The following CAST variants were observed in gnomAD, a reference collection of about 807,000 sequenced individuals.
The protein encoded by CAST is MIR583 host.
A neutral mutation model predicts 119.6 loss-of-function variants in CAST; 76 were observed. The observed-to-expected ratio is 0.64, with a 90% confidence interval of 0.53 to 0.77. The LOEUF (loss-of-function observed/expected upper bound fraction) is 0.77. Among genes scored for constraint, CAST ranks in the 30% least tolerant of loss-of-function variants. CAST has a pLI of 0.00. For synonymous variants in CAST, 319 were observed against 331.6 expected (o/e 0.96, Z 0.41); for missense variants, 953 against 946.5 (o/e 1.01, Z -0.09).
intron 1 of CAST, among the ~76,000 whole-genome samples, chr5:96,655,892 C>T (rs1748151587): frequency 6.6e-6 from 1 of 152,212 alleles, no homozygotes; most frequent in Non-Finnish European, 1.5e-5. Flanking sequence ...TCTGGCTGAA[C>T]AGTGCACCAG....
the CAST span, among the ~76,000 whole-genome samples, chr5:96,040,191 A>G: frequency 6.6e-6 from 1 of 152,304 alleles, no homozygotes; most frequent in South Asian, 2.1e-4. Flanking sequence ...ATTGGTGTAT[A>G]GGAATGCTTG....
At chr5:96,079,030 C>A in the CAST span, 3 of 426,470 alleles carry the variant, frequency 7.0e-6, no homozygotes, top group Admixed American at 5.9e-5. Context: ...TACAACAAAA[C>A]CCCATGATAC....
chr5:96,764,465 A>G (rs1769107084), intron 25 of CAST, among the ~76,000 whole-genome samples: 1 of 152,156 alleles, frequency 6.6e-6, no homozygotes, highest in East Asian at 1.9e-4. Context: ...CATTTCTGCA[A>G]TTTCACTTCC....
chr5:95,999,845 G>A, the CAST span, among the ~76,000 whole-genome samples: 25 of 152,102 alleles, frequency 1.6e-4, no homozygotes, highest in Admixed American at 1.6e-3. Context: ...TTTTAAAGTG[G>A]CTGCACCATT....
At chr5:96,264,702 C>T in the CAST span, among the ~76,000 whole-genome samples, 7 of 152,330 alleles carry the variant, frequency 4.6e-5, no homozygotes, top group Middle Eastern at 3.4e-3. Flanking sequence ...TTGACTTCCT[C>T]TTTGCACCTT....
At chr5:96,661,949 T>C (rs1748559874), upstream of CAST, 1 of 155,628 alleles carries the variant, frequency 6.4e-6, no homozygotes, top group Admixed American at 6.5e-5. Context: ...TGGTAAACTC[T>C]CGCAGCTAAA....
the CAST span, among the ~76,000 whole-genome samples, chr5:96,172,482 T>C: frequency 6.6e-6 from 1 of 152,230 alleles, no homozygotes; most frequent in Non-Finnish European, 1.5e-5. Flanking sequence ...ATTTCAAATA[T>C]ACATGGTATA....
At chr5:96,120,778 C>A in the CAST span, among the ~76,000 whole-genome samples, 1 of 148,600 alleles carries the variant, frequency 6.7e-6, no homozygotes, top group Non-Finnish European at 1.5e-5. Flanking sequence ...ACTTTTGTGA[C>A]CTTATCTCTT....
At chr5:96,528,531 A>G, upstream of CAST, among the ~76,000 whole-genome samples, 1 of 152,174 alleles carries the variant, frequency 6.6e-6, no homozygotes, top group Non-Finnish European at 1.5e-5. Context: ...AGGATACTGA[A>G]AAGGCTTCAG....
At chr5:96,004,558 C>T in the CAST span, among the ~76,000 whole-genome samples, 1 of 152,190 alleles carries the variant, frequency 6.6e-6, no homozygotes, top group African/African-American at 2.4e-5. Context: ...AACTGGATAA[C>T]TTCAACTCAA....
chr5:96,403,268 T>C, the CAST span, among the ~76,000 whole-genome samples: 1 of 152,210 alleles, frequency 6.6e-6, no homozygotes, highest in East Asian at 1.9e-4. Context: ...ATTTTTCTTT[T>C]TTTATTATTA....
At chr5:96,640,149 G>A (rs1747933044) in intron 1 of CAST, among the ~76,000 whole-genome samples, 1 of 152,148 alleles carries the variant, frequency 6.6e-6, no homozygotes, top group Non-Finnish European at 1.5e-5. Context: ...CCAAAAGGAT[G>A]GCTTTAGTGG....
chr5:96,748,762 T>A (rs1202305986), intron 19 of CAST, 149 bp downstream of exon 19: 1 of 562,774 alleles, frequency 1.8e-6, no homozygotes, highest in African/African-American at 1.9e-5. Flanking sequence ...CCTTTTTGGA[T>A]GTGCTTTCTG....
chr5:96,646,817 A>G (rs1222263115), intron 1 of CAST, among the ~76,000 whole-genome samples: 1 of 152,214 alleles, frequency 6.6e-6, no homozygotes, highest in Non-Finnish European at 1.5e-5. Flanking sequence ...TGCATGTATA[A>G]TGTGTAGGTT....
At chr5:96,284,357 G>C in the CAST span, among the ~76,000 whole-genome samples, 1 of 152,166 alleles carries the variant, frequency 6.6e-6, no homozygotes, top group African/African-American at 2.4e-5. Flanking sequence ...AAGTGTCATG[G>C]ATGCTGGGGT....
the CAST span, among the ~76,000 whole-genome samples, chr5:96,104,448 C>T: frequency 3.3e-5 from 5 of 152,118 alleles, no homozygotes; most frequent in African/African-American, 1.2e-4. Flanking sequence ...CAGCTTTCTA[C>T]ATATGGCTAG....
chr5:96,610,839 A>T (rs1485562194), intron 1 of CAST, among the ~76,000 whole-genome samples: 2 of 152,178 alleles, frequency 1.3e-5, no homozygotes, highest in African/African-American at 4.8e-5. Context: ...AACAAAATCA[A>T]TGTACAAAAA....
the CAST span, among the ~76,000 whole-genome samples, chr5:96,003,622 A>C: frequency 1.1e-4 from 17 of 152,256 alleles, no homozygotes; most frequent in African/African-American, 4.1e-4. Context: ...GTTTCACAGT[A>C]AAAAATTACA....
the CAST span, among the ~76,000 whole-genome samples, chr5:96,387,530 T>C: frequency 1.5e-5 from 2 of 137,828 alleles, no homozygotes; most frequent in Non-Finnish European, 3.1e-5. Context: ...CATAAATTTC[T>C]TTATTATTAC....
Sources: gnomAD v4.1 joint callset for allele counts (sites outside exome capture counted in the v4.1 genomes callset) on GRCh38, gnomAD v4.1.1 for gene constraint, MANE v1.5 for transcripts, NCBI Gene and HGNC (gene_info 2026-07-23, HGNC 2026-07-21) for gene names.